Variants in PARVA observed in about 807,000 individuals in gnomAD.
The protein encoded by PARVA is parvin alpha.
A neutral mutation model predicts 52.6 loss-of-function variants in PARVA; 25 were observed. The observed-to-expected ratio is 0.48, with a 90% CI of 0.35 to 0.66. The LOEUF (loss-of-function observed/expected upper bound fraction) is 0.66, where lower values mean the gene tolerates loss of function less well. Ranked by LOEUF, PARVA falls within the 30% of genes least tolerant of loss-of-function variation. PARVA has a pLI of 0.01. For synonymous variants in PARVA, 185 were observed against 179.1 expected, an observed-to-expected ratio of 1.03 and a Z score of -0.26; for missense variants, 373 against 450.9, an observed-to-expected ratio of 0.83 and a Z score of 1.56.
intron 12 of PARVA, among the ~76,000 whole-genome samples, chr11:12,520,486 G>A (rs1050954543): frequency 1.3e-5 from 2 of 152,162 alleles, no homozygotes; most frequent in Non-Finnish European, 2.9e-5. Flanking sequence ...TTAAGGTCAG[G>A]AAAATGCATT....
chr11:12,440,257 C>T (rs553353586), intron 1 of PARVA, among the ~76,000 whole-genome samples: 28 of 152,204 alleles, frequency 1.8e-4, no homozygotes, highest in Non-Finnish European at 2.5e-4. Context: ...GTGCTGGCCC[C>T]GTGAGTTCAG....
chr11:12,396,938 T>TTTCCG (rs1939756653), intron 1 of PARVA, among the ~76,000 whole-genome samples: 1 of 151,624 alleles, frequency 6.6e-6, no homozygotes, highest in Admixed American at 6.6e-5. Context: ...TTTTCTTTCC[T>TTTCCG]TTCCTTTCAT....
chr11:12,475,818 C>T (rs1332206054), intron 3 of PARVA, among the ~76,000 whole-genome samples: 1 of 152,214 alleles, frequency 6.6e-6, no homozygotes, highest in Admixed American at 6.5e-5. Flanking sequence ...CTGGGCTGTG[C>T]ATGTTGGGTA....
At chr11:12,508,482 A>T in intron 6 of PARVA, 102 bp from the exon 7 acceptor site, 1 of 848,018 alleles carries the variant, frequency 1.2e-6, no homozygotes, top group South Asian at 1.4e-5. Context: ...CTTAAACACC[A>T]GTAACTTTCT....
chr11:12,448,047 G>A (rs1183862924), intron 1 of PARVA, among the ~76,000 whole-genome samples: 1 of 152,114 alleles, frequency 6.6e-6, no homozygotes, highest in Non-Finnish European at 1.5e-5. Flanking sequence ...CACCTGTCAA[G>A]GTATCTTTCA....
intron 1 of PARVA, among the ~76,000 whole-genome samples, chr11:12,463,600 T>G (rs879287587): frequency 2.6e-5 from 4 of 152,192 alleles, no homozygotes; most frequent in African/African-American, 9.7e-5. Context: ...TGAGGTGGTG[T>G]TTGTCACATT....
intron 7 of PARVA, 129 bp from the exon 8 acceptor site, chr11:12,511,385 C>A: frequency 1.0e-6 from 1 of 955,924 alleles, no homozygotes; most frequent in South Asian, 1.4e-5. Context: ...AGCTCCTCAA[C>A]CAAGGGCAGG....
chr11:12,406,860 T>C (rs972218981), intron 1 of PARVA, among the ~76,000 whole-genome samples: 1 of 151,856 alleles, frequency 6.6e-6, no homozygotes, highest in African/African-American at 2.4e-5. Flanking sequence ...TTAGTAGAGA[T>C]GGGGTTTCAC....
rs530408678 is a variant in PARVA at position 12,505,111 on chromosome 11, C to T, written c.657+682C>T. On this transcript the variant is annotated intron_variant, in intron 6 of 12. Transcript: ENST00000334956. ...CTCTCTCCCTGTGACTATCTCACTC[C>T]GCTCCTAACCCCATTAAATACCCAA... 4.9e-4 allele frequency among the ~76,000 whole-genome samples: 74 copies of T among 152,302 alleles called. 1 individual carries two copies. The highest frequency in any genetic ancestry group is 4.4e-3 in the South Asian group (21 of 4,820).
At chr11:12,479,751 A>G (rs963836047) in intron 4 of PARVA, 1 of 152,060 alleles carries the variant, frequency 6.6e-6, no homozygotes, top group African/African-American at 2.4e-5. Context: ...GTACACACAT[A>G]TCTGTATACA....
chr11:12,518,285 G>A (rs530232739), intron 11 of PARVA, among the ~76,000 whole-genome samples, 160 bp from the exon 12 acceptor site: 1 of 152,256 alleles, frequency 6.6e-6, no homozygotes, highest in Admixed American at 6.5e-5. Flanking sequence ...GCTAGCTCAC[G>A]CTCCAGGTGG....
In PARVA at chr11:12,479,780, C is replaced by A. The variant is rs531351826; in HGVS notation, c.400+1831C>A. 10 of 152,266 alleles carry A rather than the reference C, an allele frequency of 6.6e-5. No individual in the cohort carries two copies. In the South Asian group the frequency reaches 1.9e-3, roughly 28 times the overall value. 9.4% of individuals were successfully genotyped at this position (152,266 alleles called of 1,614,324 possible). A position where few individuals can be genotyped will look rare whatever the true frequency, so the allele number is the denominator to read the frequency against. On this transcript the variant is annotated intron_variant, in intron 4 of 12. Coordinates refer to ENST00000334956, the MANE Select transcript of PARVA (RefSeq NM_018222.5). Reference sequence around the variant, plus strand: ...GTATACATACATGTAAGTATATATACATGCCTTATTATAAGACTTTCCATG... The same window carrying A: ...GTATACATACATGTAAGTATATATAAATGCCTTATTATAAGACTTTCCATG...
rs147372183 is a variant in PARVA, at chr11:12,469,936, G to A, written c.137-3809G>A. Among the ~76,000 whole-genome samples, 126 of 152,276 alleles carry A rather than the reference G, an allele frequency of 8.3e-4. No homozygotes were observed. The East Asian group carries it at 0.016, about 19-fold the overall frequency. ...TAGGAGTCCTGGCTTCAAATATTGCGTTTCTAGTCACACTTTAGAGATGTT... is the reference window on the plus strand; with the variant it reads ...TAGGAGTCCTGGCTTCAAATATTGCATTTCTAGTCACACTTTAGAGATGTT... On this transcript the variant is annotated intron_variant, in intron 1 of 12. Coordinates refer to ENST00000334956, the MANE Select transcript of PARVA (RefSeq NM_018222.5).
chr11:12,495,527 C>T (rs531695649), intron 4 of PARVA, among the ~76,000 whole-genome samples: 1 of 152,108 alleles, frequency 6.6e-6, no homozygotes, highest in South Asian at 2.1e-4. Flanking sequence ...TGGTAGGCAA[C>T]CAATTTCCTG....
At chr11:12,444,529 G>A (rs1940519212) in intron 1 of PARVA, among the ~76,000 whole-genome samples, 2 of 151,980 alleles carry the variant, frequency 1.3e-5, no homozygotes, top group Admixed American at 1.3e-4. Flanking sequence ...GCTGCAGCCT[G>A]GAACTCCTGG....
At chr11:12,513,397 G>A (rs778736977) in intron 9 of PARVA, 37 bp downstream of exon 9, 79 of 1,568,604 alleles carry the variant, frequency 5.0e-5, no homozygotes, top group Middle Eastern at 3.3e-4. Context: ...AGAGGGAAGC[G>A]AGATGCAACA....
chr11:12,467,931 T>G (rs1482690126), intron 1 of PARVA, among the ~76,000 whole-genome samples: 1 of 152,224 alleles, frequency 6.6e-6, no homozygotes, highest in Non-Finnish European at 1.5e-5. Context: ...CCTTCCCCTG[T>G]GCACATTTAT....
intron 1 of PARVA, among the ~76,000 whole-genome samples, chr11:12,447,530 A>G (rs1011314049): frequency 3.3e-5 from 5 of 152,206 alleles, no homozygotes; most frequent in African/African-American, 9.7e-5. Flanking sequence ...AGTCTCACTC[A>G]TGCCTTGCTT....
At chr11:12,474,835 G>A (rs950097003) in intron 3 of PARVA, among the ~76,000 whole-genome samples, 16 of 151,892 alleles carry the variant, frequency 1.1e-4, no homozygotes, top group South Asian at 2.1e-4. Flanking sequence ...GTGTGGTGGC[G>A]CATGACTGTA....
Sources: gnomAD v4.1 joint callset for allele counts (sites outside exome capture counted in the v4.1 genomes callset) on GRCh38, gnomAD v4.1.1 for gene constraint, MANE v1.5 for transcripts, NCBI Gene and HGNC (gene_info 2026-07-23, HGNC 2026-07-21) for gene names.